Variants in EEFSEC observed in about 807,000 individuals in gnomAD.
EEFSEC encodes the protein eukaryotic elongation factor, selenocysteine-tRNA specific, also known as selenocysteine-specific elongation factor.
EEFSEC carries 43 observed loss-of-function variants against 42.1 expected under a neutral mutation model. The observed-to-expected ratio is 1.02, with a 90% CI of 0.80 to 1.32. The LOEUF is 1.32. Among genes scored for constraint, EEFSEC ranks in the 40% most tolerant of loss-of-function variants. The pLI is 0.00. For missense variants in EEFSEC, 745 were observed against 803.6 expected (o/e 0.93, Z 0.88); for synonymous variants, 354 against 339.1 (o/e 1.04, Z -0.48).
chr3:128,268,758 G>T (rs1238194491), intron 4 of EEFSEC, among the ~76,000 whole-genome samples: 1 of 152,142 alleles, frequency 6.6e-6, no homozygotes, highest in East Asian at 1.9e-4. Context: ...GCCCCCAGAA[G>T]CCAGGAGAGA....
intron 6 of EEFSEC, among the ~76,000 whole-genome samples, chr3:128,398,244 G>T (rs910055692): frequency 1.3e-5 from 2 of 151,674 alleles, no homozygotes; most frequent in African/African-American, 4.8e-5. Context: ...GTCAGAGAAG[G>T]CCAAGCCAAG....
chr3:128,278,224 A>G (rs937197574), intron 4 of EEFSEC, among the ~76,000 whole-genome samples: 1 of 152,222 alleles, frequency 6.6e-6, no homozygotes, highest in African/African-American at 2.4e-5. Context: ...GGCTGTTGCC[A>G]TAGTCCAGGC....
intron 1 of EEFSEC, 94 bp downstream of exon 1, chr3:128,153,917 G>C: frequency 1.4e-6 from 2 of 1,411,026 alleles, no homozygotes; most frequent in Non-Finnish European, 1.8e-6. Context: ...GCCGGGACGG[G>C]AAATCGCCCC....
intron 1 of EEFSEC, among the ~76,000 whole-genome samples, chr3:128,223,593 G>T (rs1022570335): frequency 1.3e-5 from 2 of 152,188 alleles, no homozygotes; most frequent in Non-Finnish European, 2.9e-5. Context: ...TAAAGTTTAT[G>T]TACAAAATTA....
chr3:128,411,224 C>G (rs1413694321), downstream of EEFSEC, among the ~76,000 whole-genome samples: 3 of 152,186 alleles, frequency 2.0e-5, no homozygotes, highest in Admixed American at 1.3e-4. Flanking sequence ...TTCCCTGGCT[C>G]CCCCGTCCCC....
intron 6 of EEFSEC, among the ~76,000 whole-genome samples, chr3:128,392,687 A>G (rs1251081672): frequency 3.3e-5 from 5 of 152,198 alleles, no homozygotes; most frequent in Non-Finnish European, 7.4e-5. Flanking sequence ...CCTTCCCAGC[A>G]TGCTGCCCAG....
chr3:128,224,120 G>A (rs2065886503), intron 1 of EEFSEC, among the ~76,000 whole-genome samples: 1 of 151,974 alleles, frequency 6.6e-6, no homozygotes, highest in South Asian at 2.1e-4. Context: ...TTCTACAAAG[G>A]GTTACTTTTA....
intron 4 of EEFSEC, among the ~76,000 whole-genome samples, chr3:128,297,506 T>C (rs1250096717): frequency 6.6e-6 from 1 of 152,176 alleles, no homozygotes; most frequent in East Asian, 1.9e-4. Flanking sequence ...ATCCCAGCTA[T>C]GAGAGCAGTG....
chr3:128,189,712 A>G (rs912472745), intron 1 of EEFSEC, among the ~76,000 whole-genome samples: 1 of 150,604 alleles, frequency 6.6e-6, no homozygotes, highest in Non-Finnish European at 1.5e-5. Flanking sequence ...CCTCACCACC[A>G]TGCCCAGCTA....
At chr3:128,221,458 G>A (rs2065860457) in intron 1 of EEFSEC, among the ~76,000 whole-genome samples, 1 of 152,216 alleles carries the variant, frequency 6.6e-6, no homozygotes, top group African/African-American at 2.4e-5. Context: ...CTTCACCCAG[G>A]AGAGGACAGA....
intron 6 of EEFSEC, among the ~76,000 whole-genome samples, chr3:128,407,791 C>T (rs918399468): frequency 6.6e-6 from 1 of 152,194 alleles, no homozygotes; most frequent in South Asian, 2.1e-4. Context: ...CATGAGTGCA[C>T]TGGAAAGCAA....
At position 128,339,470 on chromosome 3, in the gene EEFSEC, C is replaced by G. The variant is rs79756177; in HGVS notation, c.787-1763C>G. On this transcript the variant is annotated intron_variant, in intron 4 of 6. Coordinates refer to ENST00000254730, the MANE Select transcript of EEFSEC (RefSeq NM_021937.5). ...TATTTCTCTGCTTCAAATCCATGAA[C>G]AGTTTCCTCTCATCTCAGAGACAGT... 7.5e-3 allele frequency among the ~76,000 whole-genome samples: 1,139 copies of G among 152,334 alleles called. 2 individuals are homozygous for G. Among genetic ancestry groups the G allele is most frequent in the Non-Finnish European group, 0.012 (798 of 68,022 alleles).
At chr3:128,420,887 CAT>C in the EEFSEC span, among the ~76,000 whole-genome samples, 6 of 152,190 alleles carry the variant, frequency 3.9e-5, no homozygotes, top group African/African-American at 1.4e-4. Context: ...GGCTTGGAAA[CAT>C]ATGCAGGTTC....
At chr3:128,222,033 T>G (rs1325371804) in intron 1 of EEFSEC, among the ~76,000 whole-genome samples, 6 of 143,408 alleles carry the variant, frequency 4.2e-5, no homozygotes, top group South Asian at 4.6e-4. Context: ...AAGTTTTTTT[T>G]TTTTTTTTTT....
At chr3:128,253,707 G>A (rs1023203238) in intron 2 of EEFSEC, among the ~76,000 whole-genome samples, 2 of 151,560 alleles carry the variant, frequency 1.3e-5, no homozygotes, top group African/African-American at 4.9e-5. Context: ...CCCTCTCCAA[G>A]CTCTCTTTTG....
chr3:128,408,042 T>C, intron 6 of EEFSEC, 27 bp from the exon 7 acceptor site: 1 of 1,498,000 alleles, frequency 6.7e-7, no homozygotes, highest in Non-Finnish European at 8.9e-7. Flanking sequence ...TACGGCAGAG[T>C]GACAGGCTCT....
rs762022418 is a variant in EEFSEC, at chr3:128,408,241, C to T, written c.1773C>T (p.Arg591=). The T allele has an allele frequency of 6.2e-7, 1 of 1,603,400 alleles. No individual in the cohort carries two copies. Among genetic ancestry groups the T allele is most frequent in the Admixed American group, 1.7e-5 (1 of 59,102 alleles). ...FKRYVFDTHK[R]MVQSP is the part of the protein sequence containing the mutation. ...GTTATGTCTTCGACACCCACAAGCG[C>T]ATGGTTCAGTCTCCCTGAGTGTCCG... is the stretch of plus-strand genomic sequence containing the variant. Residue 591 remains arginine, a synonymous_variant, in exon 7 of 7, where the codon CGC becomes CGT. Coordinates refer to ENST00000254730, the MANE Select transcript of EEFSEC (RefSeq NM_021937.5).
At chr3:128,308,804 C>T (rs901595616) in intron 4 of EEFSEC, among the ~76,000 whole-genome samples, 1 of 152,180 alleles carries the variant, frequency 6.6e-6, no homozygotes, top group African/African-American at 2.4e-5. Flanking sequence ...GGTCCTGTGC[C>T]CTAGAACCAT....
rs1411129672 is a variant in EEFSEC at position 128,246,998 on chromosome 3, T to A, written c.479T>A (p.Ile160Asn). ...LLPEGKRQAA[I>N]DKMTKKMQKT... Reference sequence around the variant, plus strand: ...CCTGAAGGAAAGAGACAGGCAGCAATTGATAAAATGACCAAGAAAATGCAG... The same window carrying A: ...CCTGAAGGAAAGAGACAGGCAGCAAATGATAAAATGACCAAGAAAATGCAG... The change falls in exon 2 of 7, where the codon ATT becomes AAT. Residue 160 changes from isoleucine (I) to asparagine (N), a missense_variant. By Grantham distance (149) the Ile-to-Asn change is moderately radical. Transcript: ENST00000254730. 6.2e-7 allele frequency: 1 copy of A among 1,613,934 alleles called. No individual in the cohort carries two copies. Among genetic ancestry groups the A allele is most frequent in the Admixed American group, 1.7e-5 (1 of 59,990 alleles).
Sources: gnomAD v4.1 joint callset for allele counts (sites outside exome capture counted in the v4.1 genomes callset) on GRCh38, gnomAD v4.1.1 for gene constraint, MANE v1.5 for transcripts, NCBI Gene and HGNC (gene_info 2026-07-23, HGNC 2026-07-21) for gene names.